HOOK1: variants seen among roughly 807,000 people sequenced by gnomAD.
HOOK1 encodes the protein protein Hook homolog 1.
A neutral mutation model predicts 112.8 loss-of-function variants in HOOK1; 60 were observed. The ratio of observed to expected loss-of-function variants is 0.53; its 90% CI spans 0.43 to 0.66. HOOK1 has a LOEUF of 0.66. Among genes scored for constraint, HOOK1 ranks in the 30% least tolerant of loss-of-function variants. The pLI is 0.00. For missense variants in HOOK1, 770 were observed against 856.0 expected (o/e 0.90, Z 1.25); for synonymous variants, 294 against 283.8 (o/e 1.04, Z -0.36).
At chr1:59,818,578 A>G (rs12028669) in intron 1 of HOOK1, among the ~76,000 whole-genome samples, 2,014 of 152,210 alleles carry the variant, frequency 0.013, 67 homozygotes, top group East Asian at 0.12. Flanking sequence ...TAATTCTGCT[A>G]CTTGGTTCTG....
rs1644117429 is a variant in HOOK1 at position 59,875,476 on chromosome 1, T to C, written c.*2511T>C. On this transcript the variant is annotated 3_prime_UTR_variant, in exon 22 of 22. Coordinates refer to ENST00000371208, the MANE Select transcript of HOOK1 (RefSeq NM_015888.6). ...GAGATTCTTTTCCACATCTGGTTAA[T>C]GTAGTGAGTTGACACCCTGTGGGTG... 1 of 152,636 alleles carries C rather than the reference T, an allele frequency of 6.6e-6. No individual in the cohort carries two copies. The highest frequency in any genetic ancestry group is 1.5e-5 in the Non-Finnish European group (1 of 68,000). 9.5% of individuals were successfully genotyped at this position (152,636 alleles called of 1,614,324 possible).
At chr1:59,871,898 G>A (rs1022748881) in intron 21 of HOOK1, among the ~76,000 whole-genome samples, 6 of 152,086 alleles carry the variant, frequency 3.9e-5, no homozygotes, top group Non-Finnish European at 8.8e-5. Context: ...TTCTTCTGTT[G>A]GGTAAAATAT....
At chr1:59,848,645 G>T in intron 11 of HOOK1, 129 bp downstream of exon 11, 1 of 607,022 alleles carries the variant, frequency 1.6e-6, no homozygotes, top group Non-Finnish European at 2.8e-6. Flanking sequence ...TTATTCTGAT[G>T]AATTTCTTTC....
intron 3 of HOOK1, among the ~76,000 whole-genome samples, chr1:59,829,160 A>G (rs1481952245): frequency 6.8e-6 from 1 of 147,438 alleles, no homozygotes; most frequent in Non-Finnish European, 1.5e-5. Context: ...ATTGAATCAT[A>G]TAATATGTAC....
intron 2 of HOOK1, among the ~76,000 whole-genome samples, chr1:59,826,955 G>A (rs1186142319): frequency 6.6e-5 from 10 of 151,936 alleles, no homozygotes; most frequent in Non-Finnish European, 1.3e-4. Flanking sequence ...AGTAGAGAAC[G>A]GGCTTCTCCG....
At chr1:59,847,869 T>C (rs1483050726) in intron 10 of HOOK1, among the ~76,000 whole-genome samples, 1 of 151,644 alleles carries the variant, frequency 6.6e-6, no homozygotes, top group Non-Finnish European at 1.5e-5. Flanking sequence ...CAAAGGGAAG[T>C]GCTTTGCCTG....
intron 20 of HOOK1, among the ~76,000 whole-genome samples, chr1:59,869,346 C>A (rs1261449565): frequency 1.3e-5 from 2 of 152,068 alleles, no homozygotes; most frequent in African/African-American, 4.8e-5. Flanking sequence ...TGCATGCCAC[C>A]ACGCCCAACT....
At chr1:59,831,715 A>T (rs561571740) in intron 3 of HOOK1, among the ~76,000 whole-genome samples, 1 of 152,208 alleles carries the variant, frequency 6.6e-6, no homozygotes, top group Non-Finnish European at 1.5e-5. Flanking sequence ...AATTGCCTCA[A>T]GACAGAAAGC....
At chr1:59,824,700 TA>T (rs1317671338) in intron 2 of HOOK1, among the ~76,000 whole-genome samples, 1 of 152,250 alleles carries the variant, frequency 6.6e-6, no homozygotes, top group Admixed American at 6.5e-5. Context: ...AAGTGGTGTC[TA>T]AACTGTTTAA....
intron 19 of HOOK1, among the ~76,000 whole-genome samples, chr1:59,867,523 A>C (rs1643988006): frequency 6.6e-6 from 1 of 152,156 alleles, no homozygotes; most frequent in South Asian, 2.1e-4. Flanking sequence ...AAATATTTTT[A>C]ATAGTTTTAT....
chr1:59,861,284 A>T (rs1209214921), intron 15 of HOOK1, among the ~76,000 whole-genome samples: 2 of 152,212 alleles, frequency 1.3e-5, no homozygotes, highest in African/African-American at 4.8e-5. Context: ...TGAATAAATG[A>T]CAGTTTGGCT....
chr1:59,855,366 CT>C (rs2102057037), intron 12 of HOOK1, among the ~76,000 whole-genome samples: 1 of 152,284 alleles, frequency 6.6e-6, no homozygotes, highest in Non-Finnish European at 1.5e-5. Context: ...TTAGCTTCCA[CT>C]TGTGAGAACA....
chr1:59,854,774 C>T (rs1463453752), intron 12 of HOOK1, among the ~76,000 whole-genome samples: 1 of 151,840 alleles, frequency 6.6e-6, no homozygotes, highest in Non-Finnish European at 1.5e-5. Flanking sequence ...TGTGTGGATC[C>T]TTTTTAGTTT....
intron 12 of HOOK1, among the ~76,000 whole-genome samples, chr1:59,850,824 G>GA (rs1253918285): frequency 1.3e-5 from 2 of 151,464 alleles, no homozygotes; most frequent in Non-Finnish European, 3.0e-5. Context: ...ACAAATGCAA[G>GA]ATAGTAATAA....
At position 59,849,202 on chromosome 1, in the gene HOOK1, G is replaced by A; in HGVS notation, c.1242+19G>A. The stretch of plus-strand genomic sequence containing the variant: ...AAAAGAGGTAAACATAGATATAATT[G>A]ATAAGGAATATTTCATTGTTCTTTT... On this transcript the variant is annotated intron_variant, in intron 12 of 21. Transcript: ENST00000371208. 2 of 1,478,004 alleles carry A rather than the reference G, an allele frequency of 1.4e-6. No individual in the cohort carries two copies. The highest frequency in any genetic ancestry group is 1.7e-5 in the Admixed American group (1 of 57,602). 91.6% of individuals were successfully genotyped at this position (1,478,004 alleles called of 1,614,324 possible).
chr1:59,818,369 T>C (rs571341255), intron 1 of HOOK1, among the ~76,000 whole-genome samples: 6 of 152,340 alleles, frequency 3.9e-5, no homozygotes, highest in Admixed American at 1.3e-4. Flanking sequence ...GTTAGTTATG[T>C]GAAGGAATGC....
At chr1:59,832,842 G>A (rs2098394964) in intron 4 of HOOK1, among the ~76,000 whole-genome samples, 1 of 151,878 alleles carries the variant, frequency 6.6e-6, no homozygotes, top group Admixed American at 6.6e-5. Context: ...TTCCCAAAAT[G>A]TTTAATATTC....
chr1:59,846,941 T>C (rs938986323), intron 9 of HOOK1, 104 bp from the exon 10 acceptor site: 20 of 748,602 alleles, frequency 2.7e-5, no homozygotes, highest in Admixed American at 1.4e-4. Flanking sequence ...TTTTATTGTG[T>C]TGAGTGTTAT....
chr1:59,825,283 T>C (rs1397725097), intron 2 of HOOK1, among the ~76,000 whole-genome samples: 1 of 152,246 alleles, frequency 6.6e-6, no homozygotes, highest in Non-Finnish European at 1.5e-5. Context: ...CTGTAAATAG[T>C]GCGTGCCATA....
Sources: gnomAD v4.1 joint callset for allele counts (sites outside exome capture counted in the v4.1 genomes callset) on GRCh38, gnomAD v4.1.1 for gene constraint, MANE v1.5 for transcripts, NCBI Gene and HGNC (gene_info 2026-07-23, HGNC 2026-07-21) for gene names.